Variants in APBA1 observed in about 807,000 individuals in gnomAD.
APBA1 encodes amyloid-beta A4 precursor protein-binding family A member 1.
A neutral mutation model predicts 86.6 loss-of-function variants in APBA1; 55 were observed. That is an observed-to-expected ratio of 0.64 (90% CI 0.51 to 0.80). APBA1 has a LOEUF of 0.80. Among genes scored for constraint, APBA1 ranks in the 30% least tolerant of loss-of-function variants. The pLI, the probability that APBA1 is intolerant of heterozygous loss-of-function variation, is 0.00. For synonymous variants in APBA1, 511 were observed against 493.9 expected, an observed-to-expected ratio of 1.03 and a Z score of -0.46; for missense variants, 1,090 against 1,183.0, an observed-to-expected ratio of 0.92 and a Z score of 1.15.
chr9:69,637,241 G>A lies in APBA1; in HGVS notation c.-70+34912C>T, dbSNP rs546035196. Among the ~76,000 whole-genome samples the A allele has an allele frequency of 3.3e-5, 5 of 152,324 alleles. No individual in the cohort carries two copies. The East Asian group carries it at 9.7e-4, about 29-fold the overall frequency. On this transcript the variant is annotated intron_variant, in intron 1 of 12. Transcript: ENST00000265381. ...GCTGGGAAGGGTTGGGGAGGATGAA[G>A]TAGGGATGATTAATGGACACAAAAA...
At chr9:69,657,165 C>T (rs1442148095) in intron 1 of APBA1, among the ~76,000 whole-genome samples, 1 of 152,194 alleles carries the variant, frequency 6.6e-6, no homozygotes, top group African/African-American at 2.4e-5. Context: ...ATCTAAGAGA[C>T]CTGCCTAAAA....
intron 1 of APBA1, among the ~76,000 whole-genome samples, chr9:69,578,249 A>G (rs1299601017): frequency 6.6e-6 from 1 of 152,202 alleles, no homozygotes; most frequent in Non-Finnish European, 1.5e-5. Context: ...TTTACACTGG[A>G]GCACGGATCC....
In APBA1 at chr9:69,534,255, G is replaced by T. The variant is rs150936935; in HGVS notation, c.-69-16976C>A. Among the ~76,000 whole-genome samples the T allele has an allele frequency of 1.3e-3, 194 of 152,160 alleles. 2 individuals carry two copies. Among genetic ancestry groups the T allele is most frequent in the African/African-American group, 4.3e-3 (177 of 41,512 alleles). On this transcript the variant is annotated intron_variant, in intron 1 of 12. Coordinates refer to ENST00000265381, the MANE Select transcript of APBA1 (RefSeq NM_001163.4). ...CAGAGTGTGGCAGAACTGAGTTCCTGCCCACCAAAAATTGAAGCTCACCCT... is the reference window on the plus strand; with the variant it reads ...CAGAGTGTGGCAGAACTGAGTTCCTTCCCACCAAAAATTGAAGCTCACCCT...
intron 1 of APBA1, among the ~76,000 whole-genome samples, chr9:69,585,139 C>T (rs1821993615): frequency 6.6e-6 from 1 of 152,190 alleles, no homozygotes; most frequent in Admixed American, 6.5e-5. Flanking sequence ...GCTGACAATC[C>T]TTTTAGGTGA....
chr9:69,645,312 G>A (rs1352649843), intron 1 of APBA1, among the ~76,000 whole-genome samples: 2 of 152,332 alleles, frequency 1.3e-5, no homozygotes, highest in East Asian at 1.9e-4. Context: ...CAGAATTGAG[G>A]TCAATTTCTC....
intron 1 of APBA1, among the ~76,000 whole-genome samples, chr9:69,630,977 T>C (rs1823030559): frequency 6.6e-6 from 1 of 152,176 alleles, no homozygotes; most frequent in African/African-American, 2.4e-5. Context: ...TGAATGACCT[T>C]GAGCAAGACA....
At chr9:69,483,343 C>T (rs1835554080) in intron 2 of APBA1, among the ~76,000 whole-genome samples, 1 of 151,932 alleles carries the variant, frequency 6.6e-6, no homozygotes. Flanking sequence ...GCAAAATAAC[C>T]CTATTGCTTG....
intron 1 of APBA1, among the ~76,000 whole-genome samples, chr9:69,518,713 G>A (rs1320853845): frequency 6.6e-6 from 1 of 152,036 alleles, no homozygotes. Flanking sequence ...CTTACAAATG[G>A]ACACAATGGA....
At chr9:69,579,314 C>T (rs1014508441) in intron 1 of APBA1, among the ~76,000 whole-genome samples, 5 of 152,040 alleles carry the variant, frequency 3.3e-5, no homozygotes, top group African/African-American at 1.2e-4. Context: ...GTTGCTAATC[C>T]CCGAGCAAGA....
chr9:69,445,298 T>G (rs1026583977), intron 10 of APBA1, among the ~76,000 whole-genome samples: 1 of 152,176 alleles, frequency 6.6e-6, no homozygotes, highest in Non-Finnish European at 1.5e-5. Flanking sequence ...CTTAGAGAAA[T>G]AGCAATTTGA....
At chr9:69,535,882 G>C (rs1030149429) in intron 1 of APBA1, among the ~76,000 whole-genome samples, 10 of 152,078 alleles carry the variant, frequency 6.6e-5, no homozygotes, top group Non-Finnish European at 4.4e-5. Flanking sequence ...ATTAATGAGA[G>C]CTCTTCTTTG....
chr9:69,439,784 G>A lies in APBA1; in HGVS notation c.2301+1212C>T, dbSNP rs553666418. ...TTCTGAAGCCTTCTTCTCTCAACTC[G>A]TCAAAGTCATTCTCCATCCAGCTTT... On this transcript the variant is annotated intron_variant, in intron 11 of 12. Transcript: ENST00000265381. Among the ~76,000 whole-genome samples the A allele has an allele frequency of 4.3e-4, 66 of 152,198 alleles. 1 individual carries two copies. Among genetic ancestry groups the A allele is most frequent in the Admixed American group, 8.5e-4 (13 of 15,292 alleles).
intron 2 of APBA1, among the ~76,000 whole-genome samples, chr9:69,501,401 C>T (rs1835877415): frequency 6.6e-6 from 1 of 151,970 alleles, no homozygotes; most frequent in Admixed American, 6.6e-5. Context: ...AACATGGGCT[C>T]CAGGATACAA....
Position 69,516,406 on chromosome 9 carries a change from C to T in APBA1, c.805G>A (p.Asp269Asn), listed in dbSNP as rs1836148920. 1 of 1,604,604 alleles carries T rather than the reference C, an allele frequency of 6.2e-7. No individual in the cohort carries two copies. The highest frequency in any genetic ancestry group is 1.3e-5 in the African/African-American group (1 of 74,782). ...ACCTCGGCCACTATCTGGTCGATGT[C>T]CTCCTCCTGCTCGTAGCTGTCCATG... ...PRMDSYEQEEDIDQIVAEVKQ... is the reference protein window; with the variant it reads ...PRMDSYEQEENIDQIVAEVKQ... The change falls in exon 2 of 13, where the codon GAC (aspartate) becomes AAC (asparagine). Residue 269 changes from aspartate to asparagine, a missense_variant. Transcript: ENST00000265381. This position sits in a 1 kb window ranked among gnomAD's most constrained non-coding sequence, Gnocchi z 7.3.
Position 69,441,090 on chromosome 9 carries a change from T to G in APBA1, c.2207A>C (p.Lys736Thr). 1.2e-6 allele frequency: 2 copies of G among 1,614,134 alleles called. No homozygotes were observed. Among genetic ancestry groups the G allele is most frequent in the Non-Finnish European group, 1.7e-6 (2 of 1,180,028 alleles). The part of the protein sequence containing the change: ...IKGLKNQSRV[K>T]LNIVRCPPVT... ...CGGAGGACATCTCACGATATTCAGC[T>G]TGACTCGGGACTGATTCTTTAAGCC... Residue 736 changes from lysine (K) to threonine (T), a missense_variant, in exon 11 of 13, where the codon AAG becomes ACG. Physicochemically the swap from Lys to Thr is moderately conservative, Grantham distance 78. Coordinates refer to ENST00000265381, the MANE Select transcript of APBA1 (RefSeq NM_001163.4).
intron 3 of APBA1, among the ~76,000 whole-genome samples, chr9:69,473,173 T>C (rs577366748): frequency 6.6e-6 from 1 of 152,184 alleles, no homozygotes; most frequent in Non-Finnish European, 1.5e-5. Context: ...GATATGTGGA[T>C]AGGGGGAAAG....
At chr9:69,534,729 T>G (rs1836482951) in intron 1 of APBA1, among the ~76,000 whole-genome samples, 1 of 152,198 alleles carries the variant, frequency 6.6e-6, no homozygotes, top group Admixed American at 6.5e-5. Flanking sequence ...TATCCCCTTT[T>G]CACTGTTTCT....
intron 1 of APBA1, among the ~76,000 whole-genome samples, chr9:69,549,625 G>A (rs1432794041): frequency 1.3e-5 from 2 of 152,190 alleles, no homozygotes; most frequent in Non-Finnish European, 2.9e-5. Context: ...CGTGGTAAAA[G>A]AGGGTAACTG....
intron 1 of APBA1, among the ~76,000 whole-genome samples, chr9:69,520,670 C>T (rs1364149631): frequency 1.3e-5 from 2 of 152,178 alleles, no homozygotes; most frequent in Non-Finnish European, 2.9e-5. Flanking sequence ...TCCTCACCTT[C>T]CCTACCCACC....
Sources: gnomAD v4.1 joint callset for allele counts (sites outside exome capture counted in the v4.1 genomes callset) on GRCh38, gnomAD v4.1.1 for gene constraint, Gnocchi (gnomAD v3.1) non-coding constraint, MANE v1.5 for transcripts, NCBI Gene and HGNC (gene_info 2026-07-23, HGNC 2026-07-21) for gene names.